Variants in DCPH1 observed in about 807,000 individuals in gnomAD.
DCPH1 encodes the protein damage control phosphatase 1.
At chr6:151,452,504 C>A in the DCPH1 span, 20 of 1,607,874 alleles carry the variant, frequency 1.2e-5, no homozygotes, top group African/African-American at 2.2e-4. Flanking sequence ...GTTTCTGCGG[C>A]GATTGAACAG....
At chr6:151,454,565 C>A in the DCPH1 span, 6 of 1,518,016 alleles carry the variant, frequency 4.0e-6, no homozygotes, top group Admixed American at 3.5e-5. Flanking sequence ...GCATATCTTA[C>A]AATTAAAGAC....
chr6:151,452,751 A>G, the DCPH1 span: 9 of 627,704 alleles, frequency 1.4e-5, no homozygotes, highest in Non-Finnish European at 2.4e-5. Context: ...ACTGGCTCGG[A>G]GGCGAAGGGA....
chr6:151,458,363 C>A, the DCPH1 span: 1 of 1,613,274 alleles, frequency 6.2e-7, no homozygotes, highest in Non-Finnish European at 8.5e-7. Flanking sequence ...CTATCTCTCT[C>A]CTTTCTAAAT....
At chr6:151,464,842 A>G in the DCPH1 span, among the ~76,000 whole-genome samples, 2 of 152,190 alleles carry the variant, frequency 1.3e-5, no homozygotes, top group Non-Finnish European at 2.9e-5. Flanking sequence ...CTGACTTCCT[A>G]GCTTCTGTCA....
the DCPH1 span, among the ~76,000 whole-genome samples, chr6:151,459,061 T>C: frequency 1.3e-5 from 2 of 152,150 alleles, no homozygotes; most frequent in Non-Finnish European, 2.9e-5. Flanking sequence ...TGCTTGAACC[T>C]GGGAGGCAGA....
At chr6:151,467,586 G>A in the DCPH1 span, among the ~76,000 whole-genome samples, 2 of 152,056 alleles carry the variant, frequency 1.3e-5, no homozygotes, top group African/African-American at 2.4e-5. Flanking sequence ...TCGTTTTTCA[G>A]TTGCAGGACT....
At chr6:151,467,125 G>A in the DCPH1 span, among the ~76,000 whole-genome samples, 6 of 151,714 alleles carry the variant, frequency 4.0e-5, no homozygotes, top group South Asian at 2.1e-4. Context: ...GGTGGTGGGC[G>A]GCTGTAATCC....
the DCPH1 span, chr6:151,464,443 CCT>C: frequency 2.3e-5 from 36 of 1,591,398 alleles, 1 homozygote; most frequent in South Asian, 3.8e-4. Context: ...TTGTTTTTCT[CCT>C]ACTTTAGTCC....
At chr6:151,452,586 G>C in the DCPH1 span, 2 of 1,609,752 alleles carry the variant, frequency 1.2e-6, no homozygotes, top group Non-Finnish European at 1.7e-6. Context: ...CAGGACGTGG[G>C]GTTAGTCTAG....
chr6:151,456,386 TCTA>T, the DCPH1 span, among the ~76,000 whole-genome samples: 5 of 152,330 alleles, frequency 3.3e-5, no homozygotes, highest in East Asian at 1.9e-4. Context: ...AGTGTAATGT[TCTA>T]CTTCTTTCAA....
the DCPH1 span, chr6:151,452,563 G>C: frequency 5.6e-6 from 9 of 1,611,558 alleles, no homozygotes; most frequent in African/African-American, 6.7e-5. Flanking sequence ...TCGTCCCGGC[G>C]TCTCTCTCAG....
chr6:151,454,539 CT>C, the DCPH1 span: 2 of 1,324,202 alleles, frequency 1.5e-6, no homozygotes, highest in African/African-American at 1.5e-5. Context: ...GCATGTGACT[CT>C]TTTCTAGATC....
the DCPH1 span, among the ~76,000 whole-genome samples, chr6:151,463,219 A>C: frequency 2.0e-5 from 3 of 152,326 alleles, no homozygotes; most frequent in Admixed American, 2.0e-4. Context: ...AGTCACCTTG[A>C]GAGACTGACT....
chr6:151,464,859 A>G, the DCPH1 span, among the ~76,000 whole-genome samples: 2 of 152,224 alleles, frequency 1.3e-5, no homozygotes, highest in Admixed American at 6.5e-5. Context: ...GTCATACTTG[A>G]GAGAATACTT....
the DCPH1 span, chr6:151,464,474 T>C: frequency 6.2e-7 from 1 of 1,607,260 alleles, no homozygotes; most frequent in South Asian, 1.1e-5. Context: ...ATTACTTTGA[T>C]GTATTTAAAG....
At chr6:151,454,497 C>A in the DCPH1 span, 1 of 850,550 alleles carries the variant, frequency 1.2e-6, no homozygotes, top group Admixed American at 2.1e-5. Flanking sequence ...GATAGCCAGT[C>A]TTCTAGTATT....
At chr6:151,464,390 A>C in the DCPH1 span, 8 of 1,189,750 alleles carry the variant, frequency 6.7e-6, no homozygotes, top group Non-Finnish European at 7.3e-6. Context: ...ATTTTCTTTC[A>C]AGAACTGCAG....
the DCPH1 span, chr6:151,468,392 G>A: frequency 3.5e-5 from 56 of 1,586,488 alleles, no homozygotes; most frequent in Non-Finnish European, 4.4e-5. Context: ...GGTGGAGAAA[G>A]TAGTTCTCAG....
chr6:151,461,452 C>A, the DCPH1 span, among the ~76,000 whole-genome samples: 1 of 152,154 alleles, frequency 6.6e-6, no homozygotes, highest in Non-Finnish European at 1.5e-5. Flanking sequence ...AGGTGGATCT[C>A]CCGAGGTCAG....
Sources: gnomAD v4.1 joint callset for allele counts (sites outside exome capture counted in the v4.1 genomes callset) on GRCh38, gnomAD v4.1.1 for gene constraint, MANE v1.5 for transcripts, NCBI Gene and HGNC (gene_info 2026-07-23, HGNC 2026-07-21) for gene names.